Variants in RAB3IL1 observed in about 807,000 individuals in gnomAD.
The protein encoded by RAB3IL1 is guanine nucleotide exchange factor for Rab-3A.
Under a neutral mutation model 49.2 loss-of-function variants are expected in RAB3IL1, and 37 were observed. The observed-to-expected ratio is 0.75, with a 90% CI of 0.58 to 0.99. The LOEUF (loss-of-function observed/expected upper bound fraction) is 0.99. RAB3IL1 is among the 50% of genes least tolerant of loss of function. The probability of loss-of-function intolerance (pLI) is 0.00; values close to 1 mark genes in which losing one functional copy is unlikely to be tolerated. For missense variants in RAB3IL1, 484 were observed against 513.0 expected, an observed-to-expected ratio of 0.94 and a Z score of 0.55; for synonymous variants, 193 against 213.9, an observed-to-expected ratio of 0.90 and a Z score of 0.85.
Position 61,897,824 on chromosome 11 carries a change from G to T in RAB3IL1, c.*454C>A, listed in dbSNP as rs1016662377. ...CACAGGATGGCCACAAGGGGGTGCT[G>T]CTGGCCCAGGGCTTGGCAGCTGGGG... is the stretch of plus-strand genomic sequence containing the variant. On this transcript the variant is annotated 3_prime_UTR_variant, in exon 10 of 10. Coordinates refer to ENST00000394836, the MANE Select transcript of RAB3IL1 (RefSeq NM_013401.4). 6.1e-6 allele frequency: 1 copy of T among 163,822 alleles called. No homozygotes were observed. Among genetic ancestry groups the T allele is most frequent in the Admixed American group, 6.1e-5 (1 of 16,438 alleles). The allele number at this position is 163,822 out of a possible 1,614,324, so 10.1% of individuals were successfully genotyped here. A position where few individuals can be genotyped will look rare whatever the true frequency, so the allele number is the denominator to read the frequency against.
upstream of RAB3IL1, among the ~76,000 whole-genome samples, chr11:61,918,570 T>A (rs554551316): frequency 6.6e-6 from 1 of 152,372 alleles, no homozygotes; most frequent in South Asian, 2.1e-4. Context: ...TGCAAGGGGC[T>A]GGGGACCCAG....
At chr11:61,910,647 C>T (rs1056813362) in intron 1 of RAB3IL1, among the ~76,000 whole-genome samples, 8 of 152,136 alleles carry the variant, frequency 5.3e-5, no homozygotes, top group South Asian at 2.1e-4. Context: ...GAGACACTCA[C>T]GAAGCCTGCC....
At chr11:61,904,524 G>T in intron 7 of RAB3IL1, 22 bp downstream of exon 7, 1 of 1,578,002 alleles carries the variant, frequency 6.3e-7, no homozygotes, top group Non-Finnish European at 8.6e-7. Flanking sequence ...TGGGCAGGAA[G>T]GAGCTAAGAC....
upstream of RAB3IL1, among the ~76,000 whole-genome samples, chr11:61,922,378 C>T (rs1336778384): frequency 6.6e-6 from 1 of 151,750 alleles, no homozygotes; most frequent in Admixed American, 6.6e-5. Flanking sequence ...CAAAATTAGC[C>T]GGGGGTGGTG....
At chr11:61,913,073 C>T (rs1939528099) in intron 1 of RAB3IL1, among the ~76,000 whole-genome samples, 1 of 151,966 alleles carries the variant, frequency 6.6e-6, no homozygotes, top group Non-Finnish European at 1.5e-5. Flanking sequence ...AGTGGCACGT[C>T]CCGTAGGCAG....
upstream of RAB3IL1, among the ~76,000 whole-genome samples, chr11:61,922,368 C>G (rs1156262422): frequency 6.7e-6 from 1 of 149,670 alleles, no homozygotes; most frequent in Non-Finnish European, 1.5e-5. Flanking sequence ...ACTAAAAATA[C>G]AAAATTAGCC....
chr11:61,941,943 G>A, the RAB3IL1 span, among the ~76,000 whole-genome samples: 87 of 152,248 alleles, frequency 5.7e-4, no homozygotes, highest in African/African-American at 2.0e-3. Context: ...AGGCATGGTG[G>A]CTCATGCCTA....
the RAB3IL1 span, among the ~76,000 whole-genome samples, chr11:61,937,096 C>A: frequency 1.3e-5 from 2 of 152,010 alleles, no homozygotes; most frequent in South Asian, 2.1e-4. Context: ...AGTTTAAACT[C>A]CTCTTTTTTC....
At chr11:61,926,514 G>A in the RAB3IL1 span, among the ~76,000 whole-genome samples, 1 of 152,174 alleles carries the variant, frequency 6.6e-6, no homozygotes, top group African/African-American at 2.4e-5. Flanking sequence ...GTTCCCTCAT[G>A]AATGGCTTGG....
chr11:61,916,506 G>A (rs1939695948), intron 1 of RAB3IL1, among the ~76,000 whole-genome samples: 1 of 152,126 alleles, frequency 6.6e-6, no homozygotes, highest in Middle Eastern at 3.2e-3. Flanking sequence ...TGCCTTTCCG[G>A]GGGGCTTCCC....
At chr11:61,920,730 C>T (rs1210828488), upstream of RAB3IL1, among the ~76,000 whole-genome samples, 1 of 152,248 alleles carries the variant, frequency 6.6e-6, no homozygotes, top group Non-Finnish European at 1.5e-5. Flanking sequence ...TCAAGACCAG[C>T]CTGACCAACA....
intron 1 of RAB3IL1, among the ~76,000 whole-genome samples, chr11:61,913,875 C>T (rs11821059): frequency 0.026 from 3,857 of 147,610 alleles, 152 homozygotes; most frequent in African/African-American, 0.087. Flanking sequence ...AAATCATGTG[C>T]AGAGCTCGGA....
chr11:61,907,885 A>G (rs1452421158), intron 2 of RAB3IL1, among the ~76,000 whole-genome samples, 169 bp downstream of exon 2: 1 of 152,168 alleles, frequency 6.6e-6, no homozygotes, highest in Non-Finnish European at 1.5e-5. Context: ...GTTTGCAGTC[A>G]AGACGGGTGA....
chr11:61,899,077 C>A (rs946817795), intron 9 of RAB3IL1: 2 of 584,052 alleles, frequency 3.4e-6, no homozygotes, highest in Non-Finnish European at 6.2e-6. Context: ...GGGGTGGCCC[C>A]CTTGTGCGGG....
intron 1 of RAB3IL1, among the ~76,000 whole-genome samples, chr11:61,910,720 G>C (rs565590001): frequency 6.6e-6 from 1 of 152,166 alleles, no homozygotes; most frequent in African/African-American, 2.4e-5. Flanking sequence ...AGACTTCCCC[G>C]AACAAGGGTA....
intron 1 of RAB3IL1, among the ~76,000 whole-genome samples, chr11:61,910,501 AT>A (rs1939411481): frequency 6.6e-6 from 1 of 152,102 alleles, no homozygotes; most frequent in Non-Finnish European, 1.5e-5. Flanking sequence ...TGCTACTGAA[AT>A]TTTCTGAACC....
At chr11:61,909,267 G>A (rs968514972) in intron 1 of RAB3IL1, among the ~76,000 whole-genome samples, 1 of 152,164 alleles carries the variant, frequency 6.6e-6, no homozygotes, top group Non-Finnish European at 1.5e-5. Context: ...CTGCACCAGA[G>A]GGGGAAGGCA....
At chr11:61,932,140 A>G in the RAB3IL1 span, among the ~76,000 whole-genome samples, 1 of 151,752 alleles carries the variant, frequency 6.6e-6, no homozygotes, top group Non-Finnish European at 1.5e-5. Flanking sequence ...AGTCCCAGCT[A>G]CTCGGGAGGC....
upstream of RAB3IL1, chr11:61,917,657 T>G (rs1025052720): frequency 1.5e-4 from 118 of 793,028 alleles, no homozygotes; most frequent in African/African-American, 2.1e-3. Context: ...TCCCAAGGCC[T>G]GGCCCCACCC....
Sources: gnomAD v4.1 joint callset for allele counts (sites outside exome capture counted in the v4.1 genomes callset) on GRCh38, gnomAD v4.1.1 for gene constraint, MANE v1.5 for transcripts, NCBI Gene and HGNC (gene_info 2026-07-23, HGNC 2026-07-21) for gene names.